The following PHACTR4 variants were observed in gnomAD, a reference collection of about 807,000 sequenced individuals.
The protein encoded by PHACTR4 is protein phosphatase 1, regulatory subunit 124.
Under a neutral mutation model 72.7 loss-of-function variants are expected in PHACTR4, and 51 were observed. That is an observed-to-expected ratio of 0.70 (90% confidence interval 0.56 to 0.89). PHACTR4 has a LOEUF of 0.89. PHACTR4 is among the 40% of genes least tolerant of loss of function. The probability of loss-of-function intolerance (pLI) is 0.00; values close to 1 mark genes in which losing one functional copy is unlikely to be tolerated. For missense variants in PHACTR4, 731 were observed against 861.8 expected, an observed-to-expected ratio of 0.85 and a Z score of 1.90; for synonymous variants, 255 against 302.5, an observed-to-expected ratio of 0.84 and a Z score of 1.63.
At chr1:28,400,542 G>T (rs1342422262) in intron 1 of PHACTR4, among the ~76,000 whole-genome samples, 1 of 152,082 alleles carries the variant, frequency 6.6e-6, no homozygotes, top group African/African-American at 2.4e-5. Context: ...GAATGGCCAG[G>T]CTCATGCCTT....
At position 28,496,640 on chromosome 1, in the gene PHACTR4, C is replaced by T. The variant is rs372932845; in HGVS notation, c.*91C>T. On this transcript the variant is annotated 3_prime_UTR_variant, in exon 14 of 14. Coordinates refer to ENST00000373839, the MANE Select transcript of PHACTR4 (RefSeq NM_001048183.3). Reference sequence around the variant, plus strand: ...GAGGGAACTTTAGCACTTCCCAGCACAGCCAGAATTGCATCCTCTGGGATC... The same window carrying T: ...GAGGGAACTTTAGCACTTCCCAGCATAGCCAGAATTGCATCCTCTGGGATC... 22 of 1,442,194 alleles carry T rather than the reference C, an allele frequency of 1.5e-5. No homozygotes were observed. The highest frequency in any genetic ancestry group is 2.0e-5 in the Non-Finnish European group (21 of 1,029,786). 89.3% of individuals were successfully genotyped at this position (1,442,194 alleles called of 1,614,324 possible). A position where few individuals can be genotyped will look rare whatever the true frequency, so the allele number is the denominator to read the frequency against.
intron 1 of PHACTR4, among the ~76,000 whole-genome samples, chr1:28,379,938 G>C (rs1174057506): frequency 4.0e-5 from 6 of 150,562 alleles, no homozygotes; most frequent in African/African-American, 1.5e-4. Context: ...CATAAGTGGA[G>C]TAAATATTAT....
chr1:28,413,859 A>G (rs577535668), intron 2 of PHACTR4, among the ~76,000 whole-genome samples: 1 of 152,308 alleles, frequency 6.6e-6, no homozygotes, highest in South Asian at 2.1e-4. Context: ...CTTTAAATGT[A>G]TAGGCAGGTT....
intron 1 of PHACTR4, among the ~76,000 whole-genome samples, chr1:28,401,249 C>T (rs1653919512): frequency 6.7e-6 from 1 of 150,172 alleles, no homozygotes; most frequent in Admixed American, 6.7e-5. Context: ...TTTTAAAACG[C>T]ATTTTGAGGC....
chr1:28,380,040 T>C (rs2124135454), intron 1 of PHACTR4, among the ~76,000 whole-genome samples: 1 of 151,062 alleles, frequency 6.6e-6, no homozygotes, highest in Admixed American at 6.6e-5. Flanking sequence ...TCTGTGTTTT[T>C]TTAAATGTAA....
Position 28,492,253 on chromosome 1 carries a change from A to G in PHACTR4, c.2016+466A>G, listed in dbSNP as rs142040263. On this transcript the variant is annotated intron_variant, in intron 12 of 13. Transcript: ENST00000373839. ...GGAGTTCGAGACCAGCCTGGCCAAC[A>G]TGGTGAAACCCCATCTCTACTAAAA... 1.4e-4 allele frequency among the ~76,000 whole-genome samples: 21 copies of G among 152,214 alleles called. No homozygotes were observed. The East Asian group carries it at 4.1e-3, about 29-fold the overall frequency.
At chr1:28,474,233 A>G in intron 7 of PHACTR4, 82 bp downstream of exon 7, 1 of 1,338,144 alleles carries the variant, frequency 7.5e-7, no homozygotes, top group Non-Finnish European at 1.0e-6. Flanking sequence ...TAAAAAGAAA[A>G]TGTGGGCCGG....
intron 2 of PHACTR4, among the ~76,000 whole-genome samples, chr1:28,426,334 A>G (rs1460323111): frequency 6.6e-6 from 1 of 152,082 alleles, no homozygotes; most frequent in African/African-American, 2.4e-5. Flanking sequence ...AGTTGGTACT[A>G]TGAAAAACAG....
chr1:28,476,697 G>C (rs1419174170), intron 8 of PHACTR4, among the ~76,000 whole-genome samples: 1 of 150,822 alleles, frequency 6.6e-6, no homozygotes, highest in Admixed American at 6.6e-5. Flanking sequence ...GCCACAACTG[G>C]TTAGGTTTCT....
chr1:28,477,216 G>T (rs1281032743), intron 8 of PHACTR4, among the ~76,000 whole-genome samples: 1 of 151,742 alleles, frequency 6.6e-6, no homozygotes, highest in African/African-American at 2.4e-5. Context: ...CTCCCAAGTA[G>T]CTGGGATTAC....
At chr1:28,421,515 T>C (rs1655512004) in intron 2 of PHACTR4, among the ~76,000 whole-genome samples, 1 of 152,120 alleles carries the variant, frequency 6.6e-6, no homozygotes, top group Non-Finnish European at 1.5e-5. Flanking sequence ...AAAATTAATA[T>C]TATATTTGAC....
intron 1 of PHACTR4, among the ~76,000 whole-genome samples, chr1:28,387,565 AT>A (rs1441422975): frequency 6.6e-6 from 1 of 151,902 alleles, no homozygotes; most frequent in East Asian, 1.9e-4. Context: ...ATGATTCAGG[AT>A]ATCAGTGCAC....
chr1:28,421,027 T>G (rs2124339615), intron 2 of PHACTR4, among the ~76,000 whole-genome samples: 1 of 152,272 alleles, frequency 6.6e-6, no homozygotes, highest in South Asian at 2.1e-4. Context: ...CTTGGGTGTA[T>G]TTTTGGACTT....
In PHACTR4 at chr1:28,460,234, G is replaced by A. The variant is rs1203247718; in HGVS notation, c.213G>A (p.Met71Ile). The A allele has an allele frequency of 6.2e-7, 1 of 1,613,398 alleles. No individual in the cohort carries two copies. Among genetic ancestry groups the A allele is most frequent in the Non-Finnish European group, 8.5e-7 (1 of 1,179,730 alleles). The change falls in exon 4 of 14, where the codon ATG (methionine) becomes ATA (isoleucine). Residue 71 changes from methionine to isoleucine, a missense_variant. Physicochemically the swap from Met to Ile is conservative, Grantham distance 10. Transcript: ENST00000373839. ...TAGTTTTAGAACGGAAAATATCTAT[G>A]CGAAAGCCAAGAGAAGAGCTGGTTA... is the stretch of plus-strand genomic sequence containing the variant. Reference protein sequence around the residue: ...TSEVLERKISMRKPREELVKR... With the variant: ...TSEVLERKISIRKPREELVKR...
rs12042618 is a variant in PHACTR4 at position 28,387,876 on chromosome 1, C to T, written c.-39+18051C>T. On this transcript the variant is annotated intron_variant, in intron 1 of 13. Coordinates refer to ENST00000373839, the MANE Select transcript of PHACTR4 (RefSeq NM_001048183.3). ...CTGGGTAACTGGGATTACAGGTGCA[C>T]GCCACCACGCCTGGCTAATTTTTGT... Among the ~76,000 whole-genome samples the T allele has an allele frequency of 6.2e-3, 950 of 152,096 alleles. 75 individuals carry two copies. In the East Asian group the frequency reaches 0.16, roughly 25 times the overall value.
intron 2 of PHACTR4, chr1:28,453,451 G>A: frequency 3.1e-6 from 1 of 323,906 alleles, no homozygotes; most frequent in Non-Finnish European, 5.7e-6. Flanking sequence ...ATCGCCTGAT[G>A]TGATGCATAC....
rs1225242064 is a variant in PHACTR4 at position 28,466,606 on chromosome 1, G to A, written c.661G>A (p.Val221Ile). 6.2e-7 allele frequency: 1 copy of A among 1,614,010 alleles called. No individual in the cohort carries two copies. The highest frequency in any genetic ancestry group is 8.5e-7 in the Non-Finnish European group (1 of 1,179,968). ...TGCTGCCACAAGCCTTGCAAAGACT[G>A]TTAATCTCTCTGTCACCCCTTCCCC... ...TTAATSLAKT[V>I]NLSVTPSPAP... Residue 221 changes from valine (V) to isoleucine (I), a missense_variant, in exon 6 of 14, where the codon GTT (valine) becomes ATT (isoleucine). Around this residue, in one of 2 missense-constraint regions of PHACTR4, gnomAD observed 621 missense variants for 676.6 expected, o/e 0.92. Transcript: ENST00000373839.
Position 28,475,332 on chromosome 1 carries a change from A to G in PHACTR4, c.1422-775A>G, listed in dbSNP as rs35558733. 2.7e-3 allele frequency among the ~76,000 whole-genome samples: 408 copies of G among 152,028 alleles called. 4 individuals are homozygous for G. The highest frequency in any genetic ancestry group is 4.5e-3 in the Non-Finnish European group (306 of 67,986). On this transcript the variant is annotated intron_variant, in intron 7 of 13. Transcript: ENST00000373839. ...ACACAAAATTTACAAAATTATGTAC[A>G]TGAAAAATTACAACCGCTAGTTTTA...
At chr1:28,463,799 C>A (rs973321366) in intron 4 of PHACTR4, among the ~76,000 whole-genome samples, 7 of 152,186 alleles carry the variant, frequency 4.6e-5, no homozygotes, top group Admixed American at 2.6e-4. Flanking sequence ...GTGGTCTGAT[C>A]ATGGCTTACT....
Sources: gnomAD v4.1 joint callset for allele counts (sites outside exome capture counted in the v4.1 genomes callset) on GRCh38, gnomAD v4.1.1 for gene constraint, gnomAD v4.1.1 regional missense constraint, MANE v1.5 for transcripts, NCBI Gene and HGNC (gene_info 2026-07-23, HGNC 2026-07-21) for gene names.